MGAT4A: variants seen among roughly 807,000 people sequenced by gnomAD.
The protein encoded by MGAT4A is alpha-1,3-mannosyl-glycoprotein 4-beta-N-acetylglucosaminyltransferase A, also known as N-acetylglucosaminyltransferase IVa.
MGAT4A carries 33 observed loss-of-function variants against 74.1 expected under a neutral mutation model. The observed-to-expected ratio is 0.45, with a 90% CI of 0.34 to 0.60. The LOEUF (loss-of-function observed/expected upper bound fraction) is 0.60, where lower values mean the gene tolerates loss of function less well. MGAT4A is among the 20% of genes least tolerant of loss of function. The pLI, the probability that MGAT4A is intolerant of heterozygous loss-of-function variation, is 0.02. For synonymous variants in MGAT4A, 198 were observed against 210.4 expected (o/e 0.94, Z 0.51); for missense variants, 479 against 628.3 (o/e 0.76, Z 2.54).
Position 98,623,925 on chromosome 2 carries a change from C to T in MGAT4A, c.*1641G>A, listed in dbSNP as rs1235881668. On this transcript the variant is annotated 3_prime_UTR_variant, in exon 16 of 16. Transcript: ENST00000393487. Reference sequence around the variant, plus strand: ...GTCACTCTGAAAGCTCAGCAGAATCCATCTCTGCCCGTCTGCAACCAACCT... The same window carrying T: ...GTCACTCTGAAAGCTCAGCAGAATCTATCTCTGCCCGTCTGCAACCAACCT... The T allele has an allele frequency of 1.0e-6, 1 of 985,390 alleles. No homozygotes were observed. The highest frequency in any genetic ancestry group is 1.2e-6 in the Non-Finnish European group (1 of 829,982). 61.0% of individuals were successfully genotyped at this position (985,390 alleles called of 1,614,324 possible).
intron 2 of MGAT4A, among the ~76,000 whole-genome samples, chr2:98,703,407 A>G (rs1035757739): frequency 3.3e-5 from 5 of 152,184 alleles, no homozygotes; most frequent in African/African-American, 4.8e-5. Flanking sequence ...CTGAACAGAG[A>G]GGCCCCAGAG....
intron 4 of MGAT4A, among the ~76,000 whole-genome samples, chr2:98,667,553 G>A (rs1410545519): frequency 6.6e-6 from 1 of 152,234 alleles, no homozygotes; most frequent in Non-Finnish European, 1.5e-5. Context: ...TTTTAGCAAA[G>A]AGACTGGCAG....
intron 2 of MGAT4A, among the ~76,000 whole-genome samples, chr2:98,693,221 A>G (rs1180082339): frequency 6.6e-6 from 1 of 152,194 alleles, no homozygotes; most frequent in Non-Finnish European, 1.5e-5. Flanking sequence ...ACTATCTGTA[A>G]GGAATAAAGG....
At position 98,628,161 on chromosome 2, in the gene MGAT4A, G is replaced by T. The variant is rs75334504; in HGVS notation, c.1469-2326C>A. 7.0e-4 allele frequency among the ~76,000 whole-genome samples: 107 copies of T among 152,202 alleles called. 1 individual carries two copies. In the East Asian group the frequency reaches 0.018, roughly 26 times the overall value. ...CTGTGTGAAAATACTCTTCTCTGTA[G>T]TTGTTCTAAACAGACTATTTACAGG... On this transcript the variant is annotated intron_variant, in intron 14 of 15. Coordinates refer to ENST00000393487, the MANE Select transcript of MGAT4A (RefSeq NM_012214.3).
chr2:98,640,198 G>C lies in MGAT4A; in HGVS notation c.1051C>G (p.Arg351Gly). ...KHCDRQKANL[R>G]IRFRPSLFQH... ...AAAAGGGAAGGTCTGAAGCGAATTC[G>C]CAGATTTGCTTTCTGTCTATCACAA... Residue 351 changes from arginine to glycine, a missense_variant, in exon 11 of 16, where the codon CGA (arginine) becomes GGA (glycine). Arg to Gly is a moderately radical substitution (Grantham distance 125). Coordinates refer to ENST00000393487, the MANE Select transcript of MGAT4A (RefSeq NM_012214.3). The C allele has an allele frequency of 1.2e-6, 2 of 1,613,838 alleles. No individual in the cohort carries two copies. Among genetic ancestry groups the C allele is most frequent in the Non-Finnish European group, 1.7e-6 (2 of 1,179,850 alleles).
chr2:98,726,381 G>A lies in MGAT4A; in HGVS notation c.-49C>T. The A allele has an allele frequency of 1.3e-6, 2 of 1,523,830 alleles. No homozygotes were observed. Among genetic ancestry groups the A allele is most frequent in the Non-Finnish European group, 1.8e-6 (2 of 1,105,380 alleles). 94.4% of individuals were successfully genotyped at this position (1,523,830 alleles called of 1,614,324 possible). ...CATATGTTTATGATGACAACAACCA[G>A]GACTGTTTTCTTTTTACCCTGAAAG... On this transcript the variant is annotated 5_prime_UTR_variant, in exon 2 of 16. Transcript: ENST00000393487.
chr2:98,651,428 T>TA (rs750306709), intron 8 of MGAT4A, among the ~76,000 whole-genome samples: 1 of 152,188 alleles, frequency 6.6e-6, no homozygotes, highest in Non-Finnish European at 1.5e-5. Flanking sequence ...GTGTCATTGG[T>TA]AAAATAGAGT....
rs537470045 is a variant in MGAT4A at position 98,625,450 on chromosome 2, T to C, written c.*116A>G. On this transcript the variant is annotated 3_prime_UTR_variant, in exon 16 of 16. Transcript: ENST00000393487. ...TTCCAAGTGGAAATGACAATCGTCT[T>C]ATCTACAGTAGACTTCACAAGAGGT... is the stretch of plus-strand genomic sequence containing the variant. 1.1e-5 allele frequency: 17 copies of C among 1,509,624 alleles called. No individual in the cohort carries two copies. The East Asian group carries it at 4.1e-4, about 36-fold the overall frequency. The allele number at this position is 1,509,624 out of a possible 1,614,324, so 93.5% of individuals were successfully genotyped here.
At chr2:98,697,271 G>A (rs746511418) in intron 2 of MGAT4A, among the ~76,000 whole-genome samples, 25 of 152,170 alleles carry the variant, frequency 1.6e-4, no homozygotes, top group Non-Finnish European at 1.2e-4. Flanking sequence ...CCTCATGGGC[G>A]TCACGCAGAA....
intron 2 of MGAT4A, among the ~76,000 whole-genome samples, chr2:98,680,375 TTC>T (rs918165939): frequency 6.6e-6 from 1 of 152,178 alleles, no homozygotes; most frequent in Non-Finnish European, 1.5e-5. Flanking sequence ...ACATTATAAT[TTC>T]TGTTTTAATC....
chr2:98,668,119 C>T (rs1032897576), intron 4 of MGAT4A, among the ~76,000 whole-genome samples: 2 of 152,184 alleles, frequency 1.3e-5, no homozygotes, highest in African/African-American at 4.8e-5. Flanking sequence ...GAAATTCAAG[C>T]CAGCTGCAGA....
In MGAT4A at chr2:98,625,511, T is replaced by G. The variant is rs1374135024; in HGVS notation, c.*55A>C. On this transcript the variant is annotated 3_prime_UTR_variant, in exon 16 of 16. Coordinates refer to ENST00000393487, the MANE Select transcript of MGAT4A (RefSeq NM_012214.3). Reference sequence around the variant, plus strand: ...TAGAAATAAAAAAAAGATACATGCTTAACTATCTTTAATTAACAAATTCAC... The same window carrying G: ...TAGAAATAAAAAAAAGATACATGCTGAACTATCTTTAATTAACAAATTCAC... The G allele has an allele frequency of 3.1e-6, 5 of 1,599,080 alleles. No individual in the cohort carries two copies. Among genetic ancestry groups the G allele is most frequent in the Non-Finnish European group, 4.3e-6 (5 of 1,175,698 alleles).
At chr2:98,710,797 A>C (rs1221779516) in intron 2 of MGAT4A, among the ~76,000 whole-genome samples, 3 of 152,210 alleles carry the variant, frequency 2.0e-5, no homozygotes, top group Non-Finnish European at 4.4e-5. Context: ...GAAGACAGTC[A>C]ATACATTTGT....
At chr2:98,643,155 C>G (rs916794586) in intron 10 of MGAT4A, among the ~76,000 whole-genome samples, 1 of 151,774 alleles carries the variant, frequency 6.6e-6, no homozygotes, top group African/African-American at 2.4e-5. Context: ...TCAAATTGGA[C>G]AAGGAAAACA....
chr2:98,712,285 C>A (rs566985186), intron 2 of MGAT4A, among the ~76,000 whole-genome samples: 2 of 152,334 alleles, frequency 1.3e-5, no homozygotes, highest in East Asian at 3.9e-4. Flanking sequence ...AATCCCTCAT[C>A]TGAATGTGCT....
rs561652895 is a variant in MGAT4A at position 98,692,652 on chromosome 2, T to C, written c.95-14181A>G. 4.6e-5 allele frequency among the ~76,000 whole-genome samples: 7 copies of C among 152,338 alleles called. No individual in the cohort carries two copies. The South Asian group carries it at 1.2e-3, about 27-fold the overall frequency. ...CGGTATTTTTACTTTATCTTTTCTA[T>C]GTTTAAATATATTTAGATACACAAA... On this transcript the variant is annotated intron_variant, in intron 2 of 15. Coordinates refer to ENST00000393487, the MANE Select transcript of MGAT4A (RefSeq NM_012214.3).
intron 2 of MGAT4A, among the ~76,000 whole-genome samples, chr2:98,710,389 A>T (rs1402701236): frequency 1.3e-5 from 2 of 152,224 alleles, no homozygotes; most frequent in Admixed American, 6.5e-5. Flanking sequence ...AAACAAAAAA[A>T]GTTATTCCAA....
intron 2 of MGAT4A, among the ~76,000 whole-genome samples, chr2:98,708,413 T>A (rs1342046257): frequency 6.6e-6 from 1 of 152,196 alleles, no homozygotes; most frequent in African/African-American, 2.4e-5. Flanking sequence ...AGTACCCTCC[T>A]CTGCATCAAA....
At position 98,621,485 on chromosome 2, in the gene MGAT4A, C is replaced by G; in HGVS notation, c.*4081G>C. The stretch of plus-strand genomic sequence containing the variant: ...CTGCTTTGTCTCTTGACTTCTGCCA[C>G]CAGCCCGAGAAAACTCTCTGCTTTT... On this transcript the variant is annotated 3_prime_UTR_variant, in exon 16 of 16. Coordinates refer to ENST00000393487, the MANE Select transcript of MGAT4A (RefSeq NM_012214.3). 1 of 1,551,642 alleles carries G rather than the reference C, an allele frequency of 6.4e-7. No individual in the cohort carries two copies. The highest frequency in any genetic ancestry group is 8.7e-7 in the Non-Finnish European group (1 of 1,146,966).
Sources: allele counts gnomAD v4.1 joint callset (sites outside exome capture counted in the v4.1 genomes callset), GRCh38; gene constraint gnomAD v4.1.1; transcripts MANE v1.5; gene names NCBI Gene and HGNC (gene_info 2026-07-23, HGNC 2026-07-21).